KIAA0586: variants seen among roughly 807,000 people sequenced by gnomAD.
The protein encoded by KIAA0586 is protein TALPID3.
Under a neutral mutation model 169.8 loss-of-function variants are expected in KIAA0586, and 144 were observed. The ratio of observed to expected loss-of-function variants is 0.85; its 90% CI spans 0.74 to 0.97. KIAA0586 has a LOEUF of 0.97. Among genes scored for constraint, KIAA0586 ranks in the 50% least tolerant of loss-of-function variants. KIAA0586 has a pLI of 0.00. For missense variants in KIAA0586, 1,854 were observed against 1,823.0 expected (o/e 1.02, Z -0.31); for synonymous variants, 625 against 612.4 (o/e 1.02, Z -0.30).
rs971331853 is a variant in KIAA0586, at chr14:58,520,684, G to A, written c.4429+8057G>A. Among the ~76,000 whole-genome samples, 6 of 152,024 alleles carry A rather than the reference G, an allele frequency of 3.9e-5. No individual in the cohort carries two copies. In the South Asian group the frequency reaches 6.2e-4, roughly 16 times the overall value. On this transcript the variant is annotated intron_variant, in intron 29 of 30. Coordinates refer to ENST00000652326, the MANE Select transcript of KIAA0586 (RefSeq NM_001329943.3). Reference sequence around the variant, plus strand: ...ATGGCAGGCGTGTGCCACCATGCCCGGCTAATTTTGTTTTCATTTTTTGTA... The same window carrying A: ...ATGGCAGGCGTGTGCCACCATGCCCAGCTAATTTTGTTTTCATTTTTTGTA...
intron 27 of KIAA0586, among the ~76,000 whole-genome samples, chr14:58,507,542 T>C (rs1018815546): frequency 1.3e-5 from 2 of 151,736 alleles, no homozygotes; most frequent in African/African-American, 4.8e-5. Context: ...GCTAGCTCTT[T>C]GATTTTGGAC....
intron 16 of KIAA0586, among the ~76,000 whole-genome samples, chr14:58,468,738 G>A (rs1448119628): frequency 6.6e-6 from 1 of 152,182 alleles, no homozygotes; most frequent in African/African-American, 2.4e-5. Context: ...CCAGTCAGGA[G>A]GCAACTGTAG....
At chr14:58,501,019 G>C (rs545442337) in intron 27 of KIAA0586, among the ~76,000 whole-genome samples, 16 of 152,152 alleles carry the variant, frequency 1.1e-4, no homozygotes, top group African/African-American at 3.4e-4. Flanking sequence ...ACGTTTTAGC[G>C]AGTAGATAAA....
chr14:58,504,096 A>G (rs2043769208), intron 27 of KIAA0586, among the ~76,000 whole-genome samples: 1 of 152,176 alleles, frequency 6.6e-6, no homozygotes, highest in South Asian at 2.1e-4. Context: ...TTGTAAGTAA[A>G]TGAGTGATGT....
intron 18 of KIAA0586, among the ~76,000 whole-genome samples, chr14:58,473,110 G>T (rs1163358804): frequency 1.3e-5 from 2 of 151,266 alleles, no homozygotes; most frequent in African/African-American, 4.9e-5. Flanking sequence ...AAAGACAAGT[G>T]TTCCTGTATT....
intron 20 of KIAA0586, among the ~76,000 whole-genome samples, chr14:58,481,359 G>A (rs992080989): frequency 6.6e-6 from 1 of 152,140 alleles, no homozygotes; most frequent in Non-Finnish European, 1.5e-5. Flanking sequence ...TTAATTTGAT[G>A]TACATTCATG....
intron 29 of KIAA0586, among the ~76,000 whole-genome samples, chr14:58,534,210 G>A (rs1169592517): frequency 6.6e-6 from 1 of 152,126 alleles, no homozygotes; most frequent in Non-Finnish European, 1.5e-5. Context: ...AAACTGCTTA[G>A]TAAATATTAG....
At chr14:58,441,255 A>G in intron 4 of KIAA0586, 1 of 430,618 alleles carries the variant, frequency 2.3e-6, no homozygotes, top group Non-Finnish European at 4.6e-6. Context: ...GAGTGATCAC[A>G]GTGGGGTGAT....
At chr14:58,482,883 G>A (rs183654646) in intron 21 of KIAA0586, among the ~76,000 whole-genome samples, 171 bp downstream of exon 21, 1 of 152,218 alleles carries the variant, frequency 6.6e-6, no homozygotes, top group Admixed American at 6.5e-5. Context: ...TGATCCTCCT[G>A]CCTCAGCCTC....
intron 4 of KIAA0586, chr14:58,441,487 C>A: frequency 4.6e-6 from 1 of 216,110 alleles, no homozygotes; most frequent in South Asian, 6.0e-5. Context: ...ATGTGCTAGC[C>A]ACTGCACCTG....
At chr14:58,488,326 G>T (rs769204181) in intron 23 of KIAA0586, among the ~76,000 whole-genome samples, 18 of 151,936 alleles carry the variant, frequency 1.2e-4, no homozygotes, top group Non-Finnish European at 2.9e-5. Context: ...AGAAATAAAG[G>T]TATCTATTAT....
downstream of KIAA0586, among the ~76,000 whole-genome samples, chr14:58,556,115 GT>G (rs2047239651): frequency 6.6e-6 from 1 of 152,138 alleles, no homozygotes; most frequent in Non-Finnish European, 1.5e-5. Context: ...TATCCACTTT[GT>G]TTCTTTAACA....
chr14:58,505,177 A>G (rs952382549), intron 27 of KIAA0586, among the ~76,000 whole-genome samples: 6 of 152,174 alleles, frequency 3.9e-5, no homozygotes, highest in African/African-American at 1.4e-4. Flanking sequence ...TATATATGGT[A>G]TGTGTGATTG....
rs1555391459 is a variant in KIAA0586 at position 58,484,888 on chromosome 14, A to ATTTATATATATATATTTATATATATATT, written c.3145-2104_3145-2103insTTATATATATATTTTTATATATATATAT. Reference sequence around the variant, plus strand: ...CAAATTTTATATATATTATATATATATTTATATATATATATATATATATAT... The same window carrying ATTTATATATATATATTTATATATATATT: ...CAAATTTTATATATATTATATATATATTTATATATATATATTTATATATATATTTTTATATATATATATATATATATAT... On this transcript the variant is annotated intron_variant, in intron 21 of 30. Transcript: ENST00000652326. 1.5e-3 allele frequency among the ~76,000 whole-genome samples: 27 copies of ATTTATATATATATATTTATATATATATT among 18,488 alleles called. 1 individual carries two copies. Among genetic ancestry groups the ATTTATATATATATATTTATATATATATT allele is most frequent in the Admixed American group, 4.1e-3 (3 of 734 alleles). The allele number at this position is 18,488 out of a possible 152,430, so 12.1% of individuals were successfully genotyped here.
chr14:58,551,934 CAT>C (rs2047213818), downstream of KIAA0586, among the ~76,000 whole-genome samples: 1 of 152,110 alleles, frequency 6.6e-6, no homozygotes, highest in Non-Finnish European at 1.5e-5. Context: ...TCTTTTCTAT[CAT>C]ATATCCATAT....
In KIAA0586 at chr14:58,493,146, C is replaced by G. The variant is rs144219437; in HGVS notation, c.3990+871C>G. Among the ~76,000 whole-genome samples the G allele has an allele frequency of 9.2e-4, 140 of 152,202 alleles. 1 individual carries two copies. The highest frequency in any genetic ancestry group is 6.8e-3 in the Middle Eastern group (2 of 294). ...GAGAGAATGAGAACAAAGACAGTTA[C>G]AGCAGAAATAGAGAGGAGAGAGATT... On this transcript the variant is annotated intron_variant, in intron 26 of 30. Coordinates refer to ENST00000652326, the MANE Select transcript of KIAA0586 (RefSeq NM_001329943.3).
chr14:58,529,755 G>C (rs534656431), intron 29 of KIAA0586, among the ~76,000 whole-genome samples: 1 of 152,126 alleles, frequency 6.6e-6, no homozygotes, highest in Admixed American at 6.5e-5. Context: ...ATATCATACT[G>C]TATGGGCAAA....
intron 20 of KIAA0586, 33 bp from the exon 21 acceptor site, chr14:58,482,480 C>A: frequency 2.9e-6 from 4 of 1,374,262 alleles, no homozygotes; most frequent in South Asian, 3.6e-5. Flanking sequence ...TGTTTCTTGC[C>A]CACTTATTCT....
chr14:58,490,039 TA>T, intron 24 of KIAA0586, 124 bp from the exon 25 acceptor site: 1 of 531,092 alleles, frequency 1.9e-6, no homozygotes, highest in Non-Finnish European at 3.2e-6. Flanking sequence ...TACTTGTTTA[TA>T]AACTTTGCCA....
Sources: gnomAD v4.1 joint callset for allele counts (sites outside exome capture counted in the v4.1 genomes callset) on GRCh38, gnomAD v4.1.1 for gene constraint, MANE v1.5 for transcripts, NCBI Gene and HGNC (gene_info 2026-07-23, HGNC 2026-07-21) for gene names.